The following SRPK2 variants were observed in gnomAD, a reference collection of about 807,000 sequenced individuals.
SRPK2 encodes the protein SRSF protein kinase 2, also known as SFRS protein kinase 2.
A neutral mutation model predicts 90.8 loss-of-function variants in SRPK2; 21 were observed. The ratio of observed to expected loss-of-function variants is 0.23; its 90% confidence interval spans 0.16 to 0.33. The LOEUF is 0.33. Ranked by LOEUF, SRPK2 falls within the 10% of genes least tolerant of loss-of-function variation. SRPK2 has a pLI of 1.00. For synonymous variants in SRPK2, 288 were observed against 311.1 expected (o/e 0.93, Z 0.78); for missense variants, 620 against 869.0 (o/e 0.71, Z 3.60).
chr7:105,307,860 G>T (rs1449496679), intron 2 of SRPK2, among the ~76,000 whole-genome samples: 1 of 152,164 alleles, frequency 6.6e-6, no homozygotes, highest in Non-Finnish European at 1.5e-5. Flanking sequence ...CAATGGTGAT[G>T]AACAGTATGA....
At chr7:105,232,340 T>C (rs567511866) in intron 2 of SRPK2, among the ~76,000 whole-genome samples, 1 of 151,762 alleles carries the variant, frequency 6.6e-6, no homozygotes, top group Non-Finnish European at 1.5e-5. Flanking sequence ...ATGCCTGTAA[T>C]CTCAGCTACT....
At chr7:105,209,525 G>A (rs1354057902) in intron 2 of SRPK2, among the ~76,000 whole-genome samples, 4 of 151,352 alleles carry the variant, frequency 2.6e-5, no homozygotes, top group Admixed American at 6.6e-5. Flanking sequence ...ATGACAGAGT[G>A]AGACCCTGTC....
intron 3 of SRPK2, among the ~76,000 whole-genome samples, chr7:105,194,873 C>G (rs983849484): frequency 1.2e-4 from 18 of 151,992 alleles, no homozygotes; most frequent in Admixed American, 1.3e-4. Flanking sequence ...CAAACAAACC[C>G]CCATACATTC....
intron 2 of SRPK2, among the ~76,000 whole-genome samples, chr7:105,380,787 G>A (rs568003275): frequency 4.0e-5 from 6 of 151,842 alleles, no homozygotes; most frequent in South Asian, 2.1e-4. Context: ...CTCCCAAAGC[G>A]CTGGGATTAC....
chr7:105,123,604 A>C (rs2129572659), intron 15 of SRPK2, among the ~76,000 whole-genome samples: 1 of 152,268 alleles, frequency 6.6e-6, no homozygotes, highest in African/African-American at 2.4e-5. Flanking sequence ...TTTCCCCTAT[A>C]TTACTTATGG....
At chr7:105,200,482 C>T (rs1013406124) in intron 3 of SRPK2, among the ~76,000 whole-genome samples, 10 of 152,100 alleles carry the variant, frequency 6.6e-5, no homozygotes, top group African/African-American at 2.4e-4. Flanking sequence ...ATCAGTCCAC[C>T]CGAGACAGAA....
rs1444421587 is a variant in SRPK2 at position 105,133,077 on chromosome 7, A to G, written c.1571T>C (p.Val524Ala). 1 of 1,614,206 alleles carries G rather than the reference A, an allele frequency of 6.2e-7. No individual in the cohort carries two copies. Among genetic ancestry groups the G allele is most frequent in the Non-Finnish European group, 8.5e-7 (1 of 1,180,022 alleles). The change falls in exon 12 of 16, where the codon GTG (valine) becomes GCG (alanine). Residue 524 changes from valine to alanine, a missense_variant. By Grantham distance (64) the Val-to-Ala change is moderately conservative (BLOSUM62 0). Coordinates refer to ENST00000393651, the MANE Select transcript of SRPK2 (RefSeq NM_182692.3). The part of the protein sequence containing the change: ...KAKTRAADLL[V>A]NPLDPRNADK... The stretch of plus-strand genomic sequence containing the variant: ...TGCATTCCGCGGATCCAGGGGATTC[A>G]CCAACAAGTCAGCTGCCCGGGTTTT...
Position 105,319,953 on chromosome 7 carries a change from C to T in SRPK2, c.71+68695G>A, listed in dbSNP as rs1283368528. ...GTGATTCTTGGGGCTGCCCGACTCG[C>T]GAATTGTTCACTGCTCAATTAAACT... is the stretch of plus-strand genomic sequence containing the variant. On this transcript the variant is annotated intron_variant, in intron 2 of 15. Transcript: ENST00000393651. Among the ~76,000 whole-genome samples, 7 of 151,802 alleles carry T rather than the reference C, an allele frequency of 4.6e-5. 1 individual carries two copies. The highest frequency in any genetic ancestry group is 3.9e-4 in the Admixed American group (6 of 15,230).
At chr7:105,327,899 C>G (rs1205689235) in intron 2 of SRPK2, among the ~76,000 whole-genome samples, 3 of 152,182 alleles carry the variant, frequency 2.0e-5, no homozygotes, top group African/African-American at 7.2e-5. Flanking sequence ...CTCGCAGGTT[C>G]ACGCCATTCT....
chr7:105,194,773 T>TA, intron 3 of SRPK2, among the ~76,000 whole-genome samples: 1 of 152,274 alleles, frequency 6.6e-6, no homozygotes, highest in Non-Finnish European at 1.5e-5. Context: ...AGACTGACAC[T>TA]ACCCATTCAA....
chr7:105,286,441 T>C (rs1046766939), intron 2 of SRPK2, among the ~76,000 whole-genome samples: 6 of 152,282 alleles, frequency 3.9e-5, no homozygotes, highest in African/African-American at 1.4e-4. Flanking sequence ...GATCAAAATT[T>C]TTTGCTATAT....
chr7:105,236,092 C>T (rs548694173), intron 2 of SRPK2, among the ~76,000 whole-genome samples: 37 of 152,176 alleles, frequency 2.4e-4, no homozygotes, highest in Non-Finnish European at 4.6e-4. Flanking sequence ...GGTTCCATCC[C>T]TGTGTTTCTG....
chr7:105,344,657 CCA>C lies in SRPK2; in HGVS notation c.71+43989_71+43990del, dbSNP rs528132624. 2.6e-4 allele frequency among the ~76,000 whole-genome samples: 39 copies of C among 151,716 alleles called. No homozygotes were observed. In the East Asian group the frequency reaches 7.4e-3, roughly 29 times the overall value. The stretch of plus-strand genomic sequence containing the variant: ...TGACAGGCTATATCTGGCCAGCAAT[CCA>C]CAGTTTGCAGACCCCTGCTCTACAC... On this transcript the variant is annotated intron_variant, in intron 2 of 15. Coordinates refer to ENST00000393651, the MANE Select transcript of SRPK2 (RefSeq NM_182692.3).
At chr7:105,133,179 G>A in intron 11 of SRPK2, 75 bp from the exon 12 acceptor site, 1 of 1,364,724 alleles carries the variant, frequency 7.3e-7, no homozygotes, top group South Asian at 1.2e-5. Flanking sequence ...TGTTTGCCAG[G>A]GTCAGTCTCC....
At chr7:105,196,623 C>A (rs1001277687) in intron 3 of SRPK2, among the ~76,000 whole-genome samples, 1 of 152,234 alleles carries the variant, frequency 6.6e-6, no homozygotes, top group African/African-American at 2.4e-5. Context: ...AAAACCGCAC[C>A]CAGCGAAGAA....
intron 2 of SRPK2, among the ~76,000 whole-genome samples, chr7:105,235,763 A>G (rs189034152): frequency 1.3e-5 from 2 of 152,354 alleles, no homozygotes; most frequent in Admixed American, 6.5e-5. Flanking sequence ...TGAACTCTAA[A>G]TTACCTAAAA....
chr7:105,213,752 T>A (rs974146455), intron 2 of SRPK2, among the ~76,000 whole-genome samples: 6 of 152,276 alleles, frequency 3.9e-5, no homozygotes, highest in East Asian at 3.9e-4. Flanking sequence ...GCAGAGTGAA[T>A]AAAATGTCAC....
intron 2 of SRPK2, among the ~76,000 whole-genome samples, chr7:105,366,679 T>G (rs1819105016): frequency 6.6e-6 from 1 of 152,152 alleles, no homozygotes; most frequent in East Asian, 1.9e-4. Flanking sequence ...AGGTATGCCT[T>G]TCTTATTGCA....
Position 105,243,303 on chromosome 7 carries a change from G to A in SRPK2, c.72-39518C>T, listed in dbSNP as rs1481487869. On this transcript the variant is annotated intron_variant, in intron 2 of 15. Transcript: ENST00000393651. ...ACTTCCATGTGAGCCAATGCACCCC[G>A]CCTACATTCTAATCTTAATTCTCTA... 3.3e-5 allele frequency among the ~76,000 whole-genome samples: 5 copies of A among 152,200 alleles called. No individual in the cohort carries two copies. The South Asian group carries it at 8.3e-4, about 25-fold the overall frequency.
Sources: allele counts gnomAD v4.1 joint callset (sites outside exome capture counted in the v4.1 genomes callset), GRCh38; gene constraint gnomAD v4.1.1; transcripts MANE v1.5; gene names NCBI Gene and HGNC (gene_info 2026-07-23, HGNC 2026-07-21).